MARVELD2: variants seen among roughly 807,000 people sequenced by gnomAD.
MARVELD2 encodes MARVEL domain-containing protein 2.
A neutral mutation model predicts 57.6 loss-of-function variants in MARVELD2; 49 were observed. The ratio of observed to expected loss-of-function variants is 0.85; its 90% confidence interval spans 0.68 to 1.08. The LOEUF is 1.08. Ranked by LOEUF, MARVELD2 falls within the 50% of genes least tolerant of loss-of-function variation. The pLI, the probability that MARVELD2 is intolerant of heterozygous loss-of-function variation, is 0.00. For missense variants in MARVELD2, 606 were observed against 701.1 expected, an observed-to-expected ratio of 0.86 and a Z score of 1.53; for synonymous variants, 238 against 258.8, an observed-to-expected ratio of 0.92 and a Z score of 0.77.
At chr5:69,437,402 AAG>A (rs1466161970) in intron 5 of MARVELD2, among the ~76,000 whole-genome samples, 3 of 114,692 alleles carry the variant, frequency 2.6e-5, no homozygotes, top group Non-Finnish European at 3.7e-5. Flanking sequence ...AAAAAAAAAA[AAG>A]CTGGGTGCGG....
chr5:69,419,011 T>C, intron 1 of MARVELD2: 1 of 237,404 alleles, frequency 4.2e-6, no homozygotes, highest in Non-Finnish European at 8.2e-6. Context: ...CACTGCAACC[T>C]CTGCCTCCCG....
rs533180579 is a variant in MARVELD2, at chr5:69,438,119, GTGGGCCTGTT to G, written c.1504-2327_1504-2318del. On this transcript the variant is annotated intron_variant, in intron 5 of 6. Transcript: ENST00000325631. ...AGCATGTGAGGCATTTCAAAGCCCA[GTGGGCCTGTT>G]TGGAGGCAGGTTCTCCCACAGACAT... is the stretch of plus-strand genomic sequence containing the variant. Among the ~76,000 whole-genome samples, 3 of 152,306 alleles carry G rather than the reference GTGGGCCTGTT, an allele frequency of 2.0e-5. No individual in the cohort carries two copies. In the South Asian group the frequency reaches 6.2e-4, roughly 32 times the overall value.
At chr5:69,415,514 C>T (rs1766373349) in intron 1 of MARVELD2, 1 of 152,128 alleles carries the variant, frequency 6.6e-6, no homozygotes, top group South Asian at 2.1e-4. Context: ...AGACGAACGC[C>T]TAGCCGGCGC....
At chr5:69,438,718 C>G (rs1767233295) in intron 5 of MARVELD2, among the ~76,000 whole-genome samples, 1 of 152,098 alleles carries the variant, frequency 6.6e-6, no homozygotes, top group African/African-American at 2.4e-5. Context: ...AACCCCATCT[C>G]TACTGAAAAT....
At chr5:69,423,980 A>G (rs1027605527) in intron 2 of MARVELD2, among the ~76,000 whole-genome samples, 1 of 152,222 alleles carries the variant, frequency 6.6e-6, no homozygotes, top group Non-Finnish European at 1.5e-5. Context: ...AATTCTAATC[A>G]GTATGAAATC....
chr5:69,425,627 T>C (rs1223758525), intron 3 of MARVELD2, among the ~76,000 whole-genome samples: 1 of 151,786 alleles, frequency 6.6e-6, no homozygotes, highest in Non-Finnish European at 1.5e-5. Flanking sequence ...TCTTCACTTG[T>C]ATTTAAAGTT....
At chr5:69,439,876 T>C (rs1470673090) in intron 5 of MARVELD2, among the ~76,000 whole-genome samples, 1 of 152,192 alleles carries the variant, frequency 6.6e-6, no homozygotes, top group Non-Finnish European at 1.5e-5. Flanking sequence ...ATGTGTTCCC[T>C]TTGGATAGGC....
intron 2 of MARVELD2, 83 bp from the exon 3 acceptor site, chr5:69,424,510 TGAGGTTGG>T: frequency 9.5e-7 from 1 of 1,047,562 alleles, no homozygotes; most frequent in Non-Finnish European, 1.5e-6. Context: ...CTCTTAAAAT[TGAGGTTGG>T]GCTATAAATG....
rs1167882872 is a variant in MARVELD2 at position 69,419,740 on chromosome 5, G to T, written c.355G>T (p.Ala119Ser). 2 of 1,614,028 alleles carry T rather than the reference G, an allele frequency of 1.2e-6. No homozygotes were observed. The highest frequency in any genetic ancestry group is 3.3e-5 in the Admixed American group (2 of 59,992). ...ISDGVECSPP[A>S]SPARPNHRSP... is the part of the protein sequence containing the mutation. ...CGATGGAGTGGAGTGTTCACCACCAGCCTCTCCAGCAAGACCAAACCACCG... is the reference window on the plus strand; with the variant it reads ...CGATGGAGTGGAGTGTTCACCACCATCCTCTCCAGCAAGACCAAACCACCG... The change falls in exon 2 of 7, where the codon GCC (alanine) becomes TCC (serine). Residue 119 changes from alanine (A) to serine (S), a missense_variant. Transcript: ENST00000325631.
At chr5:69,417,217 G>T (rs952411267) in intron 1 of MARVELD2, among the ~76,000 whole-genome samples, 1 of 152,194 alleles carries the variant, frequency 6.6e-6, no homozygotes, top group Non-Finnish European at 1.5e-5. Flanking sequence ...TCTCTGTGAA[G>T]ATTTCCCTGC....
intron 2 of MARVELD2, among the ~76,000 whole-genome samples, chr5:69,422,791 G>A (rs989747084): frequency 5.3e-5 from 8 of 151,998 alleles, no homozygotes; most frequent in East Asian, 1.9e-4. Context: ...GGAACCTGCC[G>A]ACATGTGATG....
intron 3 of MARVELD2, among the ~76,000 whole-genome samples, chr5:69,431,646 G>A (rs1766966667): frequency 6.6e-6 from 1 of 151,894 alleles, no homozygotes; most frequent in Non-Finnish European, 1.5e-5. Context: ...ACATGTACAC[G>A]ATTGGGGCTG....
chr5:69,423,886 C>T (rs945769665), intron 2 of MARVELD2, among the ~76,000 whole-genome samples: 2 of 152,078 alleles, frequency 1.3e-5, no homozygotes, highest in African/African-American at 2.4e-5. Context: ...TTTTATGTAA[C>T]CTTCACATGT....
intron 3 of MARVELD2, among the ~76,000 whole-genome samples, chr5:69,431,358 C>T (rs902493465): frequency 2.6e-5 from 4 of 152,120 alleles, no homozygotes; most frequent in South Asian, 2.1e-4. Context: ...CGTGATCCAC[C>T]GACCTCGGCC....
At chr5:69,426,772 C>G (rs1766807010) in intron 3 of MARVELD2, among the ~76,000 whole-genome samples, 1 of 152,176 alleles carries the variant, frequency 6.6e-6, no homozygotes, top group African/African-American at 2.4e-5. Context: ...TGGGCTCAAA[C>G]AATCCTCCCA....
chr5:69,427,238 T>C (rs187987943), intron 3 of MARVELD2, among the ~76,000 whole-genome samples: 5 of 152,288 alleles, frequency 3.3e-5, no homozygotes, highest in Non-Finnish European at 7.3e-5. Flanking sequence ...GTTTATATTA[T>C]AAGCTAGAAA....
chr5:69,420,105 C>A lies in MARVELD2; in HGVS notation c.720C>A (p.Gly240=), dbSNP rs955959016. 1 of 1,614,060 alleles carries A rather than the reference C, an allele frequency of 6.2e-7. No individual in the cohort carries two copies. Among genetic ancestry groups the A allele is most frequent in the Middle Eastern group, 1.6e-4 (1 of 6,062 alleles). Residue 240 remains glycine (G), a synonymous_variant, in exon 2 of 7, where the codon GGC becomes GGA. Coordinates refer to ENST00000325631, the MANE Select transcript of MARVELD2 (RefSeq NM_001038603.3). ...PYGMGGVGGL[G]SMYGGYYYTG... is the part of the protein sequence containing the mutation. Reference sequence around the variant, plus strand: ...GCATGGGAGGCGTTGGTGGATTGGGCAGTATGTATGGGGGCTATTACTACA... The same window carrying A: ...GCATGGGAGGCGTTGGTGGATTGGGAAGTATGTATGGGGGCTATTACTACA...
At chr5:69,426,483 C>T (rs993287838) in intron 3 of MARVELD2, among the ~76,000 whole-genome samples, 38 of 151,676 alleles carry the variant, frequency 2.5e-4, no homozygotes, top group African/African-American at 8.9e-4. Context: ...TACAGGCGCC[C>T]GCCACCACAC....
chr5:69,425,683 A>AT (rs528574883), intron 3 of MARVELD2, among the ~76,000 whole-genome samples: 237 of 151,052 alleles, frequency 1.6e-3, no homozygotes, highest in African/African-American at 5.4e-3. Context: ...CAGATGCCAA[A>AT]TTTTTTACTA....
Sources: allele counts gnomAD v4.1 joint callset (sites outside exome capture counted in the v4.1 genomes callset), GRCh38; gene constraint gnomAD v4.1.1; transcripts MANE v1.5; gene names NCBI Gene and HGNC (gene_info 2026-07-23, HGNC 2026-07-21).